The following NINJ2 variants were observed in gnomAD, a reference collection of about 807,000 sequenced individuals.
The protein encoded by NINJ2 is ninjurin-2.
A neutral mutation model predicts 11.7 loss-of-function variants in NINJ2; 12 were observed. The ratio of observed to expected loss-of-function variants is 1.02; its 90% CI spans 0.66 to 1.66. NINJ2 has a LOEUF of 1.66. Among genes scored for constraint, NINJ2 ranks in the 40% most tolerant of loss-of-function variants. The pLI is 0.00. For synonymous variants in NINJ2, 93 were observed against 76.8 expected, an observed-to-expected ratio of 1.21 and a Z score of -1.10; for missense variants, 187 against 181.8, an observed-to-expected ratio of 1.03 and a Z score of -0.16.
intron 1 of NINJ2, among the ~76,000 whole-genome samples, chr12:592,077 T>C (rs76571872): frequency 0.027 from 4,058 of 152,040 alleles, 184 homozygotes; most frequent in African/African-American, 0.091. Flanking sequence ...CTGTGACAGA[T>C]GAAAAATAGG....
At position 628,706 on chromosome 12, in the gene NINJ2, AG is replaced by A. The variant is rs1037270129; in HGVS notation, c.33+34621del. On this transcript the variant is annotated intron_variant, in intron 1 of 3. Transcript: ENST00000305108. This position sits in a 1 kb window ranked among gnomAD's most constrained non-coding sequence, Gnocchi z 4.4. ...GTCACAAAGGCCCTGCTGATAAAGC[AG>A]GATGCAGTAAGGAAGCCTGCCAAAA... is the stretch of plus-strand genomic sequence containing the variant. Among the ~76,000 whole-genome samples, 6 of 152,180 alleles carry A rather than the reference AG, an allele frequency of 3.9e-5. No individual in the cohort carries two copies. Among genetic ancestry groups the A allele is most frequent in the African/African-American group, 1.4e-4 (6 of 41,450 alleles).
At chr12:602,447 T>C (rs1480603053) in intron 1 of NINJ2, among the ~76,000 whole-genome samples, 3 of 152,256 alleles carry the variant, frequency 2.0e-5, no homozygotes, top group African/African-American at 7.2e-5. Context: ...ATTCATGCTG[T>C]AGCATGTTTC....
At chr12:663,212 GAGTA>G in intron 1 of NINJ2, 112 bp downstream of exon 1, 1 of 889,314 alleles carries the variant, frequency 1.1e-6, no homozygotes, top group South Asian at 1.6e-5. Flanking sequence ...AGAAGGGAGT[GAGTA>G]AGAAGAGAAC....
intron 1 of NINJ2, among the ~76,000 whole-genome samples, chr12:662,969 G>A (rs1222756298): frequency 6.1e-5 from 2 of 32,948 alleles, no homozygotes; most frequent in African/African-American, 9.0e-5. Context: ...CTGTCTCCCC[G>A]GCAGCTCTAA....
At chr12:577,429 A>ATATATG (rs1491439493) in intron 1 of NINJ2, among the ~76,000 whole-genome samples, 1 of 136,726 alleles carries the variant, frequency 7.3e-6, no homozygotes, top group African/African-American at 2.8e-5. Flanking sequence ...ATATATATAT[A>ATATATG]CATATATATA....
At chr12:617,953 T>C (rs1266211805) in intron 1 of NINJ2, among the ~76,000 whole-genome samples, 2 of 152,034 alleles carry the variant, frequency 1.3e-5, no homozygotes, top group Non-Finnish European at 2.9e-5. Flanking sequence ...TTTTCAGATA[T>C]TATTGCTGTT....
intron 1 of NINJ2, chr12:589,714 A>G (rs144692923): frequency 6.6e-6 from 1 of 152,354 alleles, no homozygotes; most frequent in East Asian, 1.9e-4. Context: ...TTCTTCTACA[A>G]GCATGTGCTG....
At chr12:594,759 T>A (rs2535386) in intron 1 of NINJ2, among the ~76,000 whole-genome samples, 102,547 of 152,120 alleles carry the variant, frequency 0.67, 34,857 homozygotes, top group Middle Eastern at 0.77. Context: ...TCTTCCTAAC[T>A]TGATCTATAG....
At chr12:602,885 T>C (rs1947890335) in intron 1 of NINJ2, among the ~76,000 whole-genome samples, 1 of 152,200 alleles carries the variant, frequency 6.6e-6, no homozygotes, top group Non-Finnish European at 1.5e-5. Flanking sequence ...CAGGCTGGAG[T>C]GCAGTGGTGC....
intron 1 of NINJ2, among the ~76,000 whole-genome samples, chr12:649,209 G>A (rs1937747593): frequency 6.6e-6 from 1 of 152,000 alleles, no homozygotes; most frequent in Non-Finnish European, 1.5e-5. Flanking sequence ...ACCACACTCG[G>A]CTAATTTTTG....
chr12:659,219 T>A (rs1937923811), intron 1 of NINJ2, among the ~76,000 whole-genome samples: 2 of 152,084 alleles, frequency 1.3e-5, no homozygotes, highest in African/African-American at 2.4e-5. Context: ...CTCGCTCTAC[T>A]TAACCTGAGC....
At chr12:568,870 G>A (rs1319974606) in intron 1 of NINJ2, among the ~76,000 whole-genome samples, 1 of 133,102 alleles carries the variant, frequency 7.5e-6, no homozygotes, top group Admixed American at 8.3e-5. Context: ...TTGGGGCTGT[G>A]AGGACACCCC....
At chr12:649,032 A>ATCTATCTC (rs1191391738) in intron 1 of NINJ2, among the ~76,000 whole-genome samples, 6 of 149,302 alleles carry the variant, frequency 4.0e-5, no homozygotes, top group South Asian at 2.1e-4. Context: ...CTATCTATCT[A>ATCTATCTC]TCTCAAGTGA....
chr12:568,199 G>T (rs949271750), intron 1 of NINJ2, among the ~76,000 whole-genome samples: 6 of 152,032 alleles, frequency 3.9e-5, no homozygotes, highest in African/African-American at 1.2e-4. Context: ...ACATTTGAAA[G>T]GATTACATAA....
chr12:618,873 T>A (rs544719352), intron 1 of NINJ2, among the ~76,000 whole-genome samples: 5 of 152,154 alleles, frequency 3.3e-5, no homozygotes, highest in African/African-American at 1.2e-4. Flanking sequence ...TAGACTCAGA[T>A]GGTTTAGAGC....
At chr12:620,094 A>G (rs1461804201) in intron 1 of NINJ2, among the ~76,000 whole-genome samples, 1 of 152,188 alleles carries the variant, frequency 6.6e-6, no homozygotes, top group African/African-American at 2.4e-5. Flanking sequence ...GGCAAGCCCT[A>G]AAGCGTCCTT....
intron 1 of NINJ2, among the ~76,000 whole-genome samples, chr12:661,117 C>T (rs998909345): frequency 1.1e-4 from 16 of 152,132 alleles, no homozygotes; most frequent in African/African-American, 3.4e-4. Context: ...CTGGCTCTGC[C>T]GCCCAGGCTG....
At chr12:631,886 T>G (rs1948287527) in intron 1 of NINJ2, among the ~76,000 whole-genome samples, 1 of 152,196 alleles carries the variant, frequency 6.6e-6, no homozygotes, top group Non-Finnish European at 1.5e-5. Flanking sequence ...GAACTCCAGA[T>G]TTCTGCAATG....
At chr12:579,087 TGA>T (rs1237230093) in intron 1 of NINJ2, among the ~76,000 whole-genome samples, 1 of 152,212 alleles carries the variant, frequency 6.6e-6, no homozygotes, top group East Asian at 1.9e-4. Context: ...AGGGTGTATA[TGA>T]GTTTTGTATG....
Sources: allele counts gnomAD v4.1 joint callset (sites outside exome capture counted in the v4.1 genomes callset), GRCh38; gene constraint gnomAD v4.1.1; non-coding constraint Gnocchi (gnomAD v3.1); transcripts MANE v1.5; gene names NCBI Gene and HGNC (gene_info 2026-07-23, HGNC 2026-07-21).